Variants in TRABD2B observed in about 807,000 individuals in gnomAD.
TRABD2B encodes metalloprotease TIKI2.
TRABD2B carries 14 observed loss-of-function variants against 40.1 expected under a neutral mutation model. That is an observed-to-expected ratio of 0.35 (90% CI 0.23 to 0.55). TRABD2B has a LOEUF of 0.55. Among genes scored for constraint, TRABD2B ranks in the 20% least tolerant of loss-of-function variants. The pLI, the probability that TRABD2B is intolerant of heterozygous loss-of-function variation, is 0.90. For missense variants in TRABD2B, 541 were observed against 648.6 expected (o/e 0.83, Z 1.80); for synonymous variants, 263 against 277.0 (o/e 0.95, Z 0.50).
chr1:47,871,820 C>T (rs1556980), intron 2 of TRABD2B, among the ~76,000 whole-genome samples: 114,409 of 152,086 alleles, frequency 0.75, 43,482 homozygotes, highest in East Asian at 0.98. Flanking sequence ...CAGGAAGTGA[C>T]TAGCTCTCTA....
chr1:47,944,264 C>T (rs1001081870), intron 2 of TRABD2B, among the ~76,000 whole-genome samples: 1 of 152,112 alleles, frequency 6.6e-6, no homozygotes, highest in Non-Finnish European at 1.5e-5. Context: ...AAGAGAGCAA[C>T]CTTGGCACTG....
chr1:47,898,439 G>C (rs955523417), intron 2 of TRABD2B, among the ~76,000 whole-genome samples: 1 of 152,202 alleles, frequency 6.6e-6, no homozygotes, highest in African/African-American at 2.4e-5. Flanking sequence ...GGCCAGGAAA[G>C]AAAAACACAC....
intron 2 of TRABD2B, among the ~76,000 whole-genome samples, chr1:47,928,381 A>G (rs1213727631): frequency 6.6e-6 from 1 of 152,234 alleles, no homozygotes; most frequent in Middle Eastern, 3.2e-3. Context: ...ATCTTTTAGG[A>G]TTAATGATGA....
chr1:47,839,431 C>T (rs1301784577), intron 2 of TRABD2B, among the ~76,000 whole-genome samples: 1 of 152,202 alleles, frequency 6.6e-6, no homozygotes, highest in East Asian at 1.9e-4. Context: ...GAGACTGATT[C>T]AGCCTCTTCA....
At chr1:47,898,240 AAC>A (rs1644551773) in intron 2 of TRABD2B, among the ~76,000 whole-genome samples, 1 of 152,164 alleles carries the variant, frequency 6.6e-6, no homozygotes, top group Non-Finnish European at 1.5e-5. Context: ...TGGCAAGAAA[AAC>A]AGTCACAACC....
At chr1:47,829,492 G>A (rs530689749) in intron 2 of TRABD2B, among the ~76,000 whole-genome samples, 8 of 152,186 alleles carry the variant, frequency 5.3e-5, no homozygotes, top group South Asian at 2.1e-4. Context: ...ATCCACATCC[G>A]TCTGCAGGAG....
At chr1:47,933,982 A>G (rs1240482932) in intron 2 of TRABD2B, among the ~76,000 whole-genome samples, 1 of 152,228 alleles carries the variant, frequency 6.6e-6, no homozygotes, top group East Asian at 1.9e-4. Context: ...TTAAATAGTC[A>G]CAGATGGCTA....
At chr1:47,780,884 C>T (rs1260128143) in intron 4 of TRABD2B, among the ~76,000 whole-genome samples, 1 of 152,226 alleles carries the variant, frequency 6.6e-6, no homozygotes, top group African/African-American at 2.4e-5. Context: ...TCTCATTCTG[C>T]CCCGCAGCCT....
At chr1:47,792,023 G>C (rs1644680406) in intron 4 of TRABD2B, among the ~76,000 whole-genome samples, 1 of 152,208 alleles carries the variant, frequency 6.6e-6, no homozygotes, top group Non-Finnish European at 1.5e-5. Flanking sequence ...GTCCAGCTTG[G>C]AAATTCTTGG....
chr1:47,975,258 T>C (rs746417905), intron 2 of TRABD2B, among the ~76,000 whole-genome samples: 4 of 152,244 alleles, frequency 2.6e-5, no homozygotes, highest in African/African-American at 7.2e-5. Context: ...CTCTGTACTA[T>C]CTTCTCAATA....
intron 2 of TRABD2B, among the ~76,000 whole-genome samples, chr1:47,803,504 G>A (rs1203828054): frequency 6.6e-6 from 1 of 152,084 alleles, no homozygotes; most frequent in Non-Finnish European, 1.5e-5. Context: ...ATAGCCAACA[G>A]CCTGCCAATC....
chr1:47,802,112 G>A (rs1401783870), intron 2 of TRABD2B, among the ~76,000 whole-genome samples: 2 of 152,212 alleles, frequency 1.3e-5, no homozygotes, highest in South Asian at 4.1e-4. Flanking sequence ...AAAGGCCTGA[G>A]GAGCTCGGTC....
At chr1:47,856,812 C>T (rs1182380041) in intron 2 of TRABD2B, among the ~76,000 whole-genome samples, 1 of 152,232 alleles carries the variant, frequency 6.6e-6, no homozygotes, top group African/African-American at 2.4e-5. Context: ...TTTGATAGAT[C>T]TTTATCTTGA....
intron 2 of TRABD2B, among the ~76,000 whole-genome samples, chr1:47,830,593 A>G (rs565149933): frequency 2.0e-5 from 3 of 152,344 alleles, no homozygotes; most frequent in African/African-American, 7.2e-5. Flanking sequence ...AGAGTGGTGA[A>G]AGGAGGCTTT....
At chr1:47,854,502 C>T (rs1349031385) in intron 2 of TRABD2B, among the ~76,000 whole-genome samples, 1 of 152,300 alleles carries the variant, frequency 6.6e-6, no homozygotes, top group East Asian at 1.9e-4. Context: ...ATCAATGAAA[C>T]TAAATCACTT....
chr1:47,972,413 C>A (rs77136960), intron 2 of TRABD2B, among the ~76,000 whole-genome samples: 10,179 of 152,210 alleles, frequency 0.067, 381 homozygotes, highest in East Asian at 0.1. Context: ...AAATTCTAAC[C>A]CACAATGTGA....
At chr1:47,889,080 G>A (rs1412552295) in intron 2 of TRABD2B, among the ~76,000 whole-genome samples, 1 of 152,186 alleles carries the variant, frequency 6.6e-6, no homozygotes, top group African/African-American at 2.4e-5. Flanking sequence ...TGAGGGTAGA[G>A]ACCGTCTCTC....
At chr1:47,866,661 A>ATGAGGG in intron 2 of TRABD2B, among the ~76,000 whole-genome samples, 1 of 152,290 alleles carries the variant, frequency 6.6e-6, no homozygotes, top group Middle Eastern at 3.4e-3. Flanking sequence ...ATGCGCTGGA[A>ATGAGGG]TGAGGGTGAA....
intron 6 of TRABD2B, among the ~76,000 whole-genome samples, chr1:47,773,521 C>T (rs989634920): frequency 1.5e-4 from 23 of 152,204 alleles, no homozygotes; most frequent in Non-Finnish European, 2.5e-4. Context: ...CGGTTTCCCA[C>T]GTACTATTCT....
Sources: allele counts gnomAD v4.1 joint callset (sites outside exome capture counted in the v4.1 genomes callset), GRCh38; gene constraint gnomAD v4.1.1; transcripts MANE v1.5; gene names NCBI Gene and HGNC (gene_info 2026-07-23, HGNC 2026-07-21).